Variants in PIK3CB observed in about 807,000 individuals in gnomAD.
PIK3CB encodes the protein phosphatidylinositol 4,5-bisphosphate 3-kinase catalytic subunit beta isoform.
In PIK3CB, 39 loss-of-function variants were observed where a neutral mutation model predicts 136.8. That is an observed-to-expected ratio of 0.29 (90% CI 0.22 to 0.37). The LOEUF (loss-of-function observed/expected upper bound fraction) is 0.37, where lower values mean the gene tolerates loss of function less well. Ranked by LOEUF, PIK3CB falls within the 10% of genes least tolerant of loss-of-function variation. The pLI, the probability that PIK3CB is intolerant of heterozygous loss-of-function variation, is 1.00. For missense variants in PIK3CB, 868 were observed against 1,275.4 expected, an observed-to-expected ratio of 0.68 and a Z score of 4.87; for synonymous variants, 428 against 436.6, an observed-to-expected ratio of 0.98 and a Z score of 0.25.
In PIK3CB at chr3:138,770,926, A is replaced by G. The variant is rs531193562; in HGVS notation, c.-16-11567T>C. On this transcript the variant is annotated intron_variant, in intron 2 of 23. Coordinates refer to ENST00000674063, the MANE Select transcript of PIK3CB (RefSeq NM_006219.3). Reference sequence around the variant, plus strand: ...GGGGTTTCACCATGTTGGCCAGGCTAGTCTTGAACTCCTGACATCGTGATC... The same window carrying G: ...GGGGTTTCACCATGTTGGCCAGGCTGGTCTTGAACTCCTGACATCGTGATC... 3.2e-3 allele frequency among the ~76,000 whole-genome samples: 488 copies of G among 151,858 alleles called. 6 individuals carry two copies. The highest frequency in any genetic ancestry group is 1.0e-2 in the African/African-American group (414 of 41,462).
chr3:138,826,211 T>C, intron 1 of PIK3CB: 2 of 1,402,400 alleles, frequency 1.4e-6, no homozygotes, highest in African/African-American at 1.4e-5. Flanking sequence ...CTCTGGGTCA[T>C]TTTGCTGCTC....
intron 2 of PIK3CB, among the ~76,000 whole-genome samples, chr3:138,793,897 G>A (rs182858334): frequency 4.8e-4 from 73 of 152,314 alleles, no homozygotes; most frequent in African/African-American, 1.5e-3. Context: ...GCCAGGCCAC[G>A]TAGTGTTCTG....
intron 1 of PIK3CB, among the ~76,000 whole-genome samples, chr3:138,810,535 TAAAA>T (rs1171252104): frequency 1.4e-5 from 2 of 143,844 alleles, no homozygotes; most frequent in East Asian, 4.0e-4. Context: ...GTCTAATCAT[TAAAA>T]AAAAAAAAAT....
At chr3:138,731,948 G>A (rs968897040) in intron 8 of PIK3CB, among the ~76,000 whole-genome samples, 5 of 151,008 alleles carry the variant, frequency 3.3e-5, no homozygotes, top group African/African-American at 1.2e-4. Context: ...ATGCCACTGC[G>A]CTCTAGCCTG....
At position 138,700,722 on chromosome 3, in the gene PIK3CB, GATA is replaced by G. The variant is rs1559825048; in HGVS notation, c.1582-1630_1582-1628del. ...AGATAGATAGATAGATAGATAGATAGATAGATAGATAGATAGATAGATAGAGAT... is the reference window on the plus strand; with the variant it reads ...AGATAGATAGATAGATAGATAGATAGGATAGATAGATAGATAGATAGAGAT... On this transcript the variant is annotated intron_variant, in intron 12 of 23. Coordinates refer to ENST00000674063, the MANE Select transcript of PIK3CB (RefSeq NM_006219.3). Among the ~76,000 whole-genome samples, 5 of 151,560 alleles carry G rather than the reference GATA, an allele frequency of 3.3e-5. No individual in the cohort carries two copies. The East Asian group carries it at 9.7e-4, about 29-fold the overall frequency.
At chr3:138,697,730 C>A (rs2044168346) in intron 13 of PIK3CB, among the ~76,000 whole-genome samples, 1 of 152,060 alleles carries the variant, frequency 6.6e-6, no homozygotes, top group Admixed American at 6.6e-5. Flanking sequence ...ACATGAGCCA[C>A]AGACCCCAGC....
intron 1 of PIK3CB, among the ~76,000 whole-genome samples, chr3:138,810,030 G>A (rs572580415): frequency 9.9e-5 from 15 of 151,932 alleles, no homozygotes; most frequent in African/African-American, 2.4e-4. Flanking sequence ...ACACACACAC[G>A]AACACACACA....
intron 2 of PIK3CB, among the ~76,000 whole-genome samples, chr3:138,773,870 T>C (rs2045827979): frequency 6.6e-6 from 1 of 152,220 alleles, no homozygotes; most frequent in Admixed American, 6.5e-5. Context: ...AAGTGAACAG[T>C]ATTTGGGACA....
chr3:138,704,777 TTAAGTA>T (rs764008031), intron 11 of PIK3CB, among the ~76,000 whole-genome samples: 4 of 152,236 alleles, frequency 2.6e-5, no homozygotes, highest in South Asian at 2.1e-4. Context: ...AAATTTTCTT[TTAAGTA>T]TAAGTAAATG....
In PIK3CB at chr3:138,802,703, CTCTA is replaced by C. The variant is rs1166050639; in HGVS notation, c.-121-6140_-121-6137del. On this transcript the variant is annotated intron_variant, in intron 1 of 23. Transcript: ENST00000674063. ...TGGTCCACAATACCCTAGATAGGAT[CTCTA>C]TCTATCATTTGTATTTACCCCAACA... 4.6e-5 allele frequency among the ~76,000 whole-genome samples: 7 copies of C among 152,166 alleles called. No individual in the cohort carries two copies. In the East Asian group the frequency reaches 9.6e-4, roughly 21 times the overall value.
intron 1 of PIK3CB, among the ~76,000 whole-genome samples, chr3:138,808,760 A>G (rs2046261607): frequency 6.6e-6 from 1 of 151,198 alleles, no homozygotes; most frequent in South Asian, 2.1e-4. Flanking sequence ...CTATATATAT[A>G]TACACACACA....
At chr3:138,695,499 A>G (rs1338683784) in intron 13 of PIK3CB, among the ~76,000 whole-genome samples, 1 of 152,184 alleles carries the variant, frequency 6.6e-6, no homozygotes, top group Non-Finnish European at 1.5e-5. Context: ...ATTTAATTCT[A>G]CAAGTTATTC....
In PIK3CB at chr3:138,832,830, CA is replaced by C. The variant is rs1219182171; in HGVS notation, c.-122+1864del. ...GGACAACAAAAGCGAAACTCCGTCT[CA>C]AAAAAAAAAAAAAAAAAACAAAATT... On this transcript the variant is annotated intron_variant, in intron 1 of 23. Coordinates refer to ENST00000674063, the MANE Select transcript of PIK3CB (RefSeq NM_006219.3). Among the ~76,000 whole-genome samples the C allele has an allele frequency of 4.8e-3, 252 of 52,730 alleles. 3 individuals are homozygous for C. Among genetic ancestry groups the C allele is most frequent in the African/African-American group, 0.014 (201 of 14,072 alleles). 34.6% of individuals were successfully genotyped at this position (52,730 alleles called of 152,430 possible).
At chr3:138,827,189 T>A (rs1258175972) in intron 1 of PIK3CB, among the ~76,000 whole-genome samples, 6 of 152,164 alleles carry the variant, frequency 3.9e-5, no homozygotes, top group African/African-American at 9.7e-5. Flanking sequence ...ATTCAAGGCC[T>A]CAAAAGGACA....
At position 138,798,278 on chromosome 3, in the gene PIK3CB, C is replaced by T. The variant is rs79788431; in HGVS notation, c.-121-1711G>A. Among the ~76,000 whole-genome samples the T allele has an allele frequency of 4.9e-4, 75 of 152,292 alleles. 2 individuals are homozygous for T. In the South Asian group the frequency reaches 0.011, roughly 22 times the overall value. On this transcript the variant is annotated intron_variant, in intron 1 of 23. Coordinates refer to ENST00000674063, the MANE Select transcript of PIK3CB (RefSeq NM_006219.3). ...CTCCCCGGCCTCGGGTGATCCTCCA[C>T]CTCAGCCTCCCAGGTAGCTGGGACT... is the stretch of plus-strand genomic sequence containing the variant.
At chr3:138,659,510 C>T (rs2043249846) in intron 21 of PIK3CB, among the ~76,000 whole-genome samples, 1 of 151,270 alleles carries the variant, frequency 6.6e-6, no homozygotes, top group Non-Finnish European at 1.5e-5. Flanking sequence ...GAGCAAGTCT[C>T]CATCTCAGAA....
intron 1 of PIK3CB, among the ~76,000 whole-genome samples, chr3:138,800,597 T>C (rs1459556944): frequency 6.6e-6 from 1 of 151,830 alleles, no homozygotes; most frequent in Non-Finnish European, 1.5e-5. Context: ...CATTACAGGC[T>C]TGAGCCACTG....
At chr3:138,662,757 A>T (rs1321272265) in intron 21 of PIK3CB, among the ~76,000 whole-genome samples, 2 of 151,958 alleles carry the variant, frequency 1.3e-5, no homozygotes, top group Admixed American at 1.3e-4. Flanking sequence ...ATTTCTCCAC[A>T]TCCTCTCCAG....
At chr3:138,813,771 T>C (rs964702750) in intron 1 of PIK3CB, among the ~76,000 whole-genome samples, 3 of 152,158 alleles carry the variant, frequency 2.0e-5, no homozygotes, top group Non-Finnish European at 4.4e-5. Context: ...GTGGTGGTGA[T>C]AGCAGAAATT....
Sources: allele counts gnomAD v4.1 joint callset (sites outside exome capture counted in the v4.1 genomes callset), GRCh38; gene constraint gnomAD v4.1.1; transcripts MANE v1.5; gene names NCBI Gene and HGNC (gene_info 2026-07-23, HGNC 2026-07-21).